Variants in SYNE2 observed in about 807,000 individuals in gnomAD.
The protein encoded by SYNE2 is spectrin repeat containing nuclear envelope protein 2, also known as nesprin-2.
Under a neutral mutation model 856.3 loss-of-function variants are expected in SYNE2, and 431 were observed. That is an observed-to-expected ratio of 0.50 (90% CI 0.47 to 0.55). The LOEUF is 0.55. SYNE2 is among the 20% of genes least tolerant of loss of function. The pLI is 0.00. For missense variants in SYNE2, 8,129 were observed against 8,023.2 expected (o/e 1.01, Z -0.50); for synonymous variants, 2,923 against 2,872.3 (o/e 1.02, Z -0.56).
At chr14:64,160,030 T>C (rs187378744) in intron 87 of SYNE2, among the ~76,000 whole-genome samples, 16 of 152,374 alleles carry the variant, frequency 1.1e-4, no homozygotes, top group Admixed American at 2.0e-4. Context: ...AGAGTTATGC[T>C]ATCTTAAGTG....
At chr14:64,058,316 G>A (rs1213054263) in intron 49 of SYNE2, among the ~76,000 whole-genome samples, 1 of 152,024 alleles carries the variant, frequency 6.6e-6, no homozygotes, top group Non-Finnish European at 1.5e-5. Flanking sequence ...AGGGGGTCTA[G>A]TTTCATTTTT....
intron 9 of SYNE2, among the ~76,000 whole-genome samples, chr14:63,963,298 A>C (rs982768064): frequency 2.6e-5 from 4 of 152,250 alleles, no homozygotes; most frequent in African/African-American, 9.6e-5. Flanking sequence ...AAAATATTAG[A>C]AAACTTTTAC....
At chr14:63,948,546 G>A (rs949888641) in intron 6 of SYNE2, among the ~76,000 whole-genome samples, 9 of 150,828 alleles carry the variant, frequency 6.0e-5, no homozygotes, top group African/African-American at 2.2e-4. Flanking sequence ...CCTGTAATCC[G>A]AGCTACTCAG....
At chr14:64,210,275 A>G in intron 103 of SYNE2, 151 bp downstream of exon 103, 1 of 1,064,822 alleles carries the variant, frequency 9.4e-7, no homozygotes, top group Non-Finnish European at 1.3e-6. Context: ...AAGAAGCCCA[A>G]AGCTGCCAAC....
intron 1 of SYNE2, among the ~76,000 whole-genome samples, chr14:63,907,432 A>G (rs1037902475): frequency 6.6e-6 from 1 of 152,166 alleles, no homozygotes; most frequent in Non-Finnish European, 1.5e-5. Context: ...TGTGAATCAT[A>G]CTGGTGCATC....
At chr14:64,030,534 C>T (rs981288771) in intron 44 of SYNE2, among the ~76,000 whole-genome samples, 13 of 152,148 alleles carry the variant, frequency 8.5e-5, no homozygotes, top group African/African-American at 2.4e-4. Context: ...TATTTGTTTA[C>T]GCATTTACTA....
At position 64,016,522 on chromosome 14, in the gene SYNE2, A is replaced by G. The variant is rs901555445; in HGVS notation, c.4778A>G (p.Lys1593Arg). 8 of 1,602,862 alleles carry G rather than the reference A, an allele frequency of 5.0e-6. No individual in the cohort carries two copies. Among genetic ancestry groups the G allele is most frequent in the Non-Finnish European group, 6.0e-6 (7 of 1,173,608 alleles). The change falls in exon 33 of 116, where the codon AAG (lysine) becomes AGG (arginine). Residue 1593 changes from lysine (K) to arginine (R), a missense_variant. Lys to Arg is a conservative substitution (Grantham distance 26, BLOSUM62 2). This residue lies in a region of SYNE2 where 2,422 missense variants were observed against 2,357.4 expected (regional missense o/e 1.03). Transcript: ENST00000555002. ...AATGAGCATTTAGAAGTTGTAGACA[A>G]GATAAACCAGGTCTGCAAAAATCTA... ...EFNEHLEVVD[K>R]INQVCKNLQF... is the part of the protein sequence containing the mutation.
intron 99 of SYNE2, among the ~76,000 whole-genome samples, chr14:64,195,394 G>A (rs2098536511): frequency 6.6e-6 from 1 of 152,160 alleles, no homozygotes; most frequent in Non-Finnish European, 1.5e-5. Flanking sequence ...TCTGATGGTA[G>A]CACCACTAGC....
rs548107261 is a variant in SYNE2 at position 64,142,898 on chromosome 14, C to G, written c.15306+810C>G. On this transcript the variant is annotated intron_variant, in intron 82 of 115. Coordinates refer to ENST00000555002, the MANE Select transcript of SYNE2 (RefSeq NM_182914.3). Reference sequence around the variant, plus strand: ...GCCACATGCAAACGTGTATTGTGTGCTCAGCACTATGCTGGCCACTGGGAA... The same window carrying G: ...GCCACATGCAAACGTGTATTGTGTGGTCAGCACTATGCTGGCCACTGGGAA... 2.0e-5 allele frequency among the ~76,000 whole-genome samples: 3 copies of G among 152,298 alleles called. No individual in the cohort carries two copies. The South Asian group carries it at 6.2e-4, about 32-fold the overall frequency.
In SYNE2 at chr14:64,021,102, T is replaced by C. The variant is rs2096932547; in HGVS notation, c.5152-213T>C. On this transcript the variant is annotated intron_variant, in intron 35 of 115. Coordinates refer to ENST00000555002, the MANE Select transcript of SYNE2 (RefSeq NM_182914.3). ...ATCAAGTTTGTCTCTTAGAAAAAAA[T>C]CAGAATATCCATTTCAGTTTTTTTT... Among the ~76,000 whole-genome samples the C allele has an allele frequency of 3.3e-5, 5 of 152,142 alleles. No homozygotes were observed. In the South Asian group the frequency reaches 1.0e-3, roughly 32 times the overall value.
In SYNE2 at chr14:63,944,824, C is replaced by CTTTTTTTT. The variant is rs55906748; in HGVS notation, c.408+2699_408+2706dup. Among the ~76,000 whole-genome samples the CTTTTTTTT allele has an allele frequency of 5.9e-3, 276 of 46,942 alleles. 37 individuals are homozygous for CTTTTTTTT. The highest frequency in any genetic ancestry group is 0.026 in the Middle Eastern group (1 of 38). The allele number at this position is 46,942 out of a possible 152,430, so 30.8% of individuals were successfully genotyped here. ...GTGAGCCACCGTGCTGGGCTTAAAG[C>CTTTTTTTT]TTTTTTTTTTTTTTTTTTTTTTTTT... On this transcript the variant is annotated intron_variant, in intron 6 of 115. Transcript: ENST00000555002.
intron 96 of SYNE2, among the ~76,000 whole-genome samples, chr14:64,180,839 T>A (rs766287580): frequency 6.6e-6 from 1 of 152,222 alleles, no homozygotes; most frequent in Non-Finnish European, 1.5e-5. Context: ...ACAAAAGATA[T>A]ATCTTTTGTT....
At chr14:64,082,454 C>T (rs778008993) in intron 57 of SYNE2, among the ~76,000 whole-genome samples, 2 of 152,150 alleles carry the variant, frequency 1.3e-5, no homozygotes, top group Non-Finnish European at 2.9e-5. Flanking sequence ...CAGCCTGCAG[C>T]AGAGTGCAGA....
intron 64 of SYNE2, among the ~76,000 whole-genome samples, chr14:64,103,759 G>A (rs1164644064): frequency 6.6e-6 from 1 of 152,098 alleles, no homozygotes; most frequent in African/African-American, 2.4e-5. Flanking sequence ...CAGAGAGATA[G>A]TTCCAGAACC....
intron 60 of SYNE2, among the ~76,000 whole-genome samples, chr14:64,091,556 G>A (rs1281696504): frequency 6.6e-6 from 1 of 152,138 alleles, no homozygotes; most frequent in East Asian, 1.9e-4. Flanking sequence ...TGTACACATG[G>A]AACAAGAATT....
chr14:64,024,641 C>G (rs1373777435), intron 39 of SYNE2, among the ~76,000 whole-genome samples, 182 bp downstream of exon 39: 1 of 152,178 alleles, frequency 6.6e-6, no homozygotes, highest in African/African-American at 2.4e-5. Flanking sequence ...TTCACATTGT[C>G]TAATGTAGCA....
At chr14:64,071,047 A>C in intron 52 of SYNE2, 137 bp downstream of exon 52, 2 of 829,892 alleles carry the variant, frequency 2.4e-6, no homozygotes, top group South Asian at 3.4e-5. Flanking sequence ...ATAAAAAGGG[A>C]TGGAACAGAT....
chr14:63,963,628 A>G (rs2153449743), intron 9 of SYNE2, among the ~76,000 whole-genome samples: 1 of 152,330 alleles, frequency 6.6e-6, no homozygotes, highest in East Asian at 1.9e-4. Context: ...GCTATAAAGA[A>G]GTGATTTAGA....
At chr14:64,208,254 C>A in intron 100 of SYNE2, 1 of 436,490 alleles carries the variant, frequency 2.3e-6, no homozygotes. Flanking sequence ...CACGGGGAAG[C>A]TGTGGGCATC....
Sources: gnomAD v4.1 joint callset for allele counts (sites outside exome capture counted in the v4.1 genomes callset) on GRCh38, gnomAD v4.1.1 for gene constraint, gnomAD v4.1.1 regional missense constraint, MANE v1.5 for transcripts, NCBI Gene and HGNC (gene_info 2026-07-23, HGNC 2026-07-21) for gene names.